Variants in ADAM32 observed in about 807,000 individuals in gnomAD.
ADAM32 encodes the protein ADAM metallopeptidase domain 32.
A neutral mutation model predicts 114.9 loss-of-function variants in ADAM32; 89 were observed. The observed-to-expected ratio is 0.77, with a 90% CI of 0.65 to 0.92. The LOEUF is 0.92. Among genes scored for constraint, ADAM32 ranks in the 40% least tolerant of loss-of-function variants. ADAM32 has a pLI of 0.00. For synonymous variants in ADAM32, 285 were observed against 307.5 expected (o/e 0.93, Z 0.77); for missense variants, 870 against 932.8 (o/e 0.93, Z 0.88).
At chr8:39,171,949 T>C (rs1017141017) in intron 10 of ADAM32, among the ~76,000 whole-genome samples, 2 of 151,562 alleles carry the variant, frequency 1.3e-5, no homozygotes, top group Non-Finnish European at 2.9e-5. Flanking sequence ...AATATTTAGA[T>C]AATTTATAAC....
At chr8:39,230,384 T>TGGTA (rs756040776) in intron 14 of ADAM32, among the ~76,000 whole-genome samples, 44 of 152,174 alleles carry the variant, frequency 2.9e-4, no homozygotes, top group Non-Finnish European at 4.4e-4. Context: ...AGGGGGTTAT[T>TGGTA]GGTAACTTTA....
intron 14 of ADAM32, among the ~76,000 whole-genome samples, chr8:39,225,998 A>G (rs1809342992): frequency 6.6e-6 from 1 of 152,214 alleles, no homozygotes; most frequent in Non-Finnish European, 1.5e-5. Context: ...TAATTGTTCT[A>G]AGGATACTCA....
At chr8:39,139,609 G>A (rs1057363932) in intron 3 of ADAM32, among the ~76,000 whole-genome samples, 1 of 152,202 alleles carries the variant, frequency 6.6e-6, no homozygotes, top group African/African-American at 2.4e-5. Context: ...CAGGTAGTAT[G>A]ATGCCTCCAG....
rs144563892 is a variant in ADAM32, at chr8:39,210,710, C to T, written c.1053-434C>T. 4.7e-3 allele frequency among the ~76,000 whole-genome samples: 720 copies of T among 152,208 alleles called. 7 individuals carry two copies. Among genetic ancestry groups the T allele is most frequent in the Non-Finnish European group, 6.6e-3 (447 of 68,020 alleles). On this transcript the variant is annotated intron_variant, in intron 11 of 24. Coordinates refer to ENST00000379907, the MANE Select transcript of ADAM32 (RefSeq NM_145004.7). ...ATTCTCTTTATTATTGGTATATGGA[C>T]ATAATAATATATAATTTTGATAAAT...
At chr8:39,203,133 A>G (rs184646811) in intron 11 of ADAM32, among the ~76,000 whole-genome samples, 14 of 152,340 alleles carry the variant, frequency 9.2e-5, no homozygotes, top group African/African-American at 3.4e-4. Context: ...AGAGTTCTGT[A>G]GATGTCTATT....
At position 39,253,193 on chromosome 8, in the gene ADAM32, C is replaced by A. The variant is rs73608622; in HGVS notation, c.1903-1221C>A. ...ATGCCACATTAAGAAGATGAAAGAT[C>A]AATTTACTTTATGACATTAAGATGC... is the stretch of plus-strand genomic sequence containing the variant. On this transcript the variant is annotated intron_variant, in intron 17 of 24. Transcript: ENST00000379907. 5.5e-3 allele frequency among the ~76,000 whole-genome samples: 838 copies of A among 151,654 alleles called. 3 individuals are homozygous for A. Among genetic ancestry groups the A allele is most frequent in the African/African-American group, 0.019 (779 of 41,480 alleles).
upstream of ADAM32, chr8:39,107,657 T>C (rs767541723): frequency 1.5e-5 from 23 of 1,506,768 alleles, no homozygotes; most frequent in South Asian, 2.8e-4. Flanking sequence ...CTCCGGGGCC[T>C]CCGGAGAACG....
chr8:39,258,243 T>A (rs1811788400), intron 19 of ADAM32, among the ~76,000 whole-genome samples: 1 of 151,874 alleles, frequency 6.6e-6, no homozygotes, highest in Non-Finnish European at 1.5e-5. Context: ...TTGTTTTTTA[T>A]ATCAAGTTTT....
At chr8:39,190,412 T>C (rs1806529376) in intron 11 of ADAM32, among the ~76,000 whole-genome samples, 5 of 152,240 alleles carry the variant, frequency 3.3e-5, no homozygotes, top group Admixed American at 3.3e-4. Context: ...AAATACCAAG[T>C]ACAAAGATTG....
intron 11 of ADAM32, among the ~76,000 whole-genome samples, chr8:39,187,564 C>T (rs942952885): frequency 1.3e-5 from 2 of 152,216 alleles, no homozygotes; most frequent in Non-Finnish European, 2.9e-5. Flanking sequence ...AGCCACCGCG[C>T]CCGGCCAGGA....
intron 15 of ADAM32, 76 bp downstream of exon 15, chr8:39,232,211 A>G (rs1430652278): frequency 8.3e-7 from 1 of 1,197,928 alleles, no homozygotes; most frequent in Non-Finnish European, 1.2e-6. Flanking sequence ...CTTCTGTGTC[A>G]TTCATTCCAG....
chr8:39,159,708 A>T (rs1156373862), intron 6 of ADAM32, among the ~76,000 whole-genome samples: 2 of 152,204 alleles, frequency 1.3e-5, no homozygotes, highest in African/African-American at 4.8e-5. Flanking sequence ...AACCCTGTGA[A>T]ATTTCATGGT....
In ADAM32 at chr8:39,265,989, C is replaced by T. The variant is rs149013800; in HGVS notation, c.2163-4887C>T. Among the ~76,000 whole-genome samples, 214 of 152,298 alleles carry T rather than the reference C, an allele frequency of 1.4e-3. 1 individual carries two copies. Among genetic ancestry groups the T allele is most frequent in the African/African-American group, 5.0e-3 (208 of 41,552 alleles). On this transcript the variant is annotated intron_variant, in intron 19 of 24. Coordinates refer to ENST00000379907, the MANE Select transcript of ADAM32 (RefSeq NM_145004.7). ...TTCTTTAAGGATGCTGAATATAGGT[C>T]CCCAATCTCTTCAGACTTGTAAGGT... is the stretch of plus-strand genomic sequence containing the variant.
chr8:39,245,181 A>T (rs1810824424), intron 16 of ADAM32, among the ~76,000 whole-genome samples: 1 of 152,176 alleles, frequency 6.6e-6, no homozygotes, highest in African/African-American at 2.4e-5. Context: ...TGGAGCCATT[A>T]TTCTAAGTGA....
intron 16 of ADAM32, among the ~76,000 whole-genome samples, chr8:39,243,650 A>G (rs1810707436): frequency 6.6e-6 from 1 of 152,356 alleles, no homozygotes; most frequent in Middle Eastern, 3.4e-3. Context: ...AAGGCTGTAT[A>G]TGCCAAAGCC....
intron 20 of ADAM32, among the ~76,000 whole-genome samples, 190 bp downstream of exon 20, chr8:39,271,104 T>C (rs1812692729): frequency 6.6e-6 from 1 of 152,232 alleles, no homozygotes. Flanking sequence ...AAATGTTTAC[T>C]GGAAGTCTCT....
chr8:39,147,118 T>C lies in ADAM32; in HGVS notation c.201-12T>C. 1 of 954,472 alleles carries C rather than the reference T, an allele frequency of 1.0e-6. No homozygotes were observed. Among genetic ancestry groups the C allele is most frequent in the Non-Finnish European group, 1.4e-6 (1 of 718,132 alleles). The allele number at this position is 954,472 out of a possible 1,614,324, so 59.1% of individuals were successfully genotyped here. A position where few individuals can be genotyped will look rare whatever the true frequency, so the allele number is the denominator to read the frequency against. On this transcript the variant is annotated splice_polypyrimidine_tract_variant and intron_variant, in intron 3 of 24. Coordinates refer to ENST00000379907, the MANE Select transcript of ADAM32 (RefSeq NM_145004.7). ...GAATAATTAAAAAAATTTCCTCTTTTTTTATATTCAGATATTTTTTAGCAG... is the reference window on the plus strand; with the variant it reads ...GAATAATTAAAAAAATTTCCTCTTTCTTTATATTCAGATATTTTTTAGCAG...
chr8:39,241,857 G>A (rs1356362587), intron 16 of ADAM32, among the ~76,000 whole-genome samples: 1 of 152,196 alleles, frequency 6.6e-6, no homozygotes, highest in Non-Finnish European at 1.5e-5. Context: ...AGTTTCTGTA[G>A]CTGGCTTGAA....
At chr8:39,149,058 T>C (rs1803670591) in intron 4 of ADAM32, among the ~76,000 whole-genome samples, 1 of 152,198 alleles carries the variant, frequency 6.6e-6, no homozygotes, top group Non-Finnish European at 1.5e-5. Flanking sequence ...GTATTTTGCA[T>C]ATGTTAACTA....
Sources: allele counts gnomAD v4.1 joint callset (sites outside exome capture counted in the v4.1 genomes callset), GRCh38; gene constraint gnomAD v4.1.1; transcripts MANE v1.5; gene names NCBI Gene and HGNC (gene_info 2026-07-23, HGNC 2026-07-21).